The following POLN variants were observed in gnomAD, a reference collection of about 807,000 sequenced individuals.
The protein encoded by POLN is DNA polymerase N.
Under a neutral mutation model 113.5 loss-of-function variants are expected in POLN, and 108 were observed. The ratio of observed to expected loss-of-function variants is 0.95; its 90% CI spans 0.81 to 1.12. The LOEUF (loss-of-function observed/expected upper bound fraction) is 1.12, where lower values mean the gene tolerates loss of function less well. POLN is among the 50% of genes most tolerant of loss of function. The pLI is 0.00. For synonymous variants in POLN, 386 were observed against 391.5 expected (o/e 0.99, Z 0.17); for missense variants, 1,097 against 1,077.1 (o/e 1.02, Z -0.26).
chr4:2,209,480 GAAAAAAA>G (rs1245386319), intron 4 of POLN, among the ~76,000 whole-genome samples: 1 of 72,216 alleles, frequency 1.4e-5, no homozygotes, highest in African/African-American at 4.2e-5. Context: ...CTCCGTCTCA[GAAAAAAA>G]AAAAAAAAAA....
chr4:2,076,516 C>T (rs1424818913), intron 23 of POLN: 1 of 152,400 alleles, frequency 6.6e-6, no homozygotes, highest in Non-Finnish European at 1.5e-5. Context: ...ACAGGATGAG[C>T]TGCTGGGAAG....
chr4:2,171,196 C>A lies in POLN; in HGVS notation c.1375-15G>T. Reference sequence around the variant, plus strand: ...TTGAGACGAGCCTGAAAATATGATACACACAATTAATTTCATTCATAGTTT... The same window carrying A: ...TTGAGACGAGCCTGAAAATATGATAAACACAATTAATTTCATTCATAGTTT... On this transcript the variant is annotated splice_polypyrimidine_tract_variant and intron_variant, in intron 11 of 25. Coordinates refer to ENST00000511885, the MANE Select transcript of POLN (RefSeq NM_181808.4). 9 of 1,589,198 alleles carry A rather than the reference C, an allele frequency of 5.7e-6. No individual in the cohort carries two copies. Among genetic ancestry groups the A allele is most frequent in the Non-Finnish European group, 7.7e-6 (9 of 1,162,926 alleles).
At chr4:2,095,779 CA>C in intron 20 of POLN, 71 bp downstream of exon 20, 1 of 1,368,920 alleles carries the variant, frequency 7.3e-7, no homozygotes, top group Non-Finnish European at 1.0e-6. Flanking sequence ...GGCACAGCCA[CA>C]TTTAAACACA....
At position 2,174,573 on chromosome 4, in the gene POLN, T is replaced by C. The variant is rs1436046912; in HGVS notation, c.1309+118A>G. The C allele has an allele frequency of 5.9e-6, 5 of 842,994 alleles. No individual in the cohort carries two copies. In the African/African-American group the frequency reaches 6.9e-5, roughly 12 times the overall value. 52.2% of individuals were successfully genotyped at this position (842,994 alleles called of 1,614,324 possible). A position where few individuals can be genotyped will look rare whatever the true frequency, so the allele number is the denominator to read the frequency against. ...GGGAAAATAATAGGCTTGCTACCTC[T>C]CTGGTGCCCATGAGATATACTATCT... is the stretch of plus-strand genomic sequence containing the variant. On this transcript the variant is annotated intron_variant, in intron 10 of 25. Coordinates refer to ENST00000511885, the MANE Select transcript of POLN (RefSeq NM_181808.4).
At chr4:2,209,749 T>C (rs930881794) in intron 4 of POLN, among the ~76,000 whole-genome samples, 1 of 143,408 alleles carries the variant, frequency 7.0e-6, no homozygotes, top group Admixed American at 7.2e-5. Flanking sequence ...GCAACTTCCA[T>C]GTCCCCGGCT....
In POLN at chr4:2,131,255, A is replaced by C; in HGVS notation, c.1767T>G (p.Ile589Met). Reference sequence around the variant, plus strand: ...TACCTTTAAAATTCTTAGGTGTAGTAATCTGAATTGGGTGCTTGGAGATAC... The same window carrying C: ...TACCTTTAAAATTCTTAGGTGTAGTCATCTGAATTGGGTGCTTGGAGATAC... The part of the protein sequence containing the change: ...IQGISKHPIQ[I>M]TTPKNFKGKE... Residue 589 changes from isoleucine (I) to methionine (M), a missense_variant, in exon 17 of 26, where the codon ATT (isoleucine) becomes ATG (methionine). Transcript: ENST00000511885. 6.3e-7 allele frequency: 1 copy of C among 1,593,674 alleles called. No individual in the cohort carries two copies. The highest frequency in any genetic ancestry group is 8.6e-7 in the Non-Finnish European group (1 of 1,162,832).
chr4:2,158,830 T>C (rs1022112440), intron 14 of POLN, among the ~76,000 whole-genome samples: 19 of 152,154 alleles, frequency 1.2e-4, no homozygotes, highest in African/African-American at 4.3e-4. Flanking sequence ...GGAGGGGTTG[T>C]GGGAGGCTTT....
At chr4:2,159,441 G>A (rs965952178) in intron 13 of POLN, among the ~76,000 whole-genome samples, 1 of 152,200 alleles carries the variant, frequency 6.6e-6, no homozygotes, top group Non-Finnish European at 1.5e-5. Context: ...TTGGAAATAA[G>A]ATTCCTCTTG....
At chr4:2,116,727 A>G (rs1202104947) in intron 19 of POLN, among the ~76,000 whole-genome samples, 2 of 152,166 alleles carry the variant, frequency 1.3e-5, no homozygotes, top group African/African-American at 4.8e-5. Context: ...TAAGGTCACG[A>G]AGGGACTTTT....
intron 19 of POLN, among the ~76,000 whole-genome samples, chr4:2,098,544 G>T (rs1235495788): frequency 6.6e-6 from 1 of 152,260 alleles, no homozygotes; most frequent in Admixed American, 6.5e-5. Flanking sequence ...ATAAGCAAGA[G>T]AAGGAGCTAG....
intron 2 of POLN, among the ~76,000 whole-genome samples, chr4:2,236,998 T>C (rs931667520): frequency 6.6e-6 from 1 of 151,792 alleles, no homozygotes; most frequent in Non-Finnish European, 1.5e-5. Context: ...ACTACTACAT[T>C]AGATAAACAG....
At chr4:2,166,276 G>C (rs1732726207) in intron 13 of POLN, among the ~76,000 whole-genome samples, 1 of 152,162 alleles carries the variant, frequency 6.6e-6, no homozygotes, top group Non-Finnish European at 1.5e-5. Flanking sequence ...TGAGCAGCCT[G>C]AGCCTTTTCC....
chr4:2,169,469 G>A (rs1732807057), intron 13 of POLN, among the ~76,000 whole-genome samples: 1 of 152,102 alleles, frequency 6.6e-6, no homozygotes, highest in Non-Finnish European at 1.5e-5. Flanking sequence ...GAAAGTCAAG[G>A]ACGACTCACA....
intron 2 of POLN, chr4:2,238,715 CT>C: frequency 6.2e-7 from 1 of 1,613,620 alleles, no homozygotes; most frequent in East Asian, 2.2e-5. Context: ...GTTACTTTGA[CT>C]AAGTTCTTGA....
intron 11 of POLN, among the ~76,000 whole-genome samples, chr4:2,173,206 T>TA (rs1732908068): frequency 6.6e-6 from 1 of 152,194 alleles, no homozygotes; most frequent in Non-Finnish European, 1.5e-5. Context: ...CTCTGGAAAG[T>TA]CTGTGCTTTG....
At chr4:2,086,150 G>A (rs925957714) in intron 20 of POLN, among the ~76,000 whole-genome samples, 10 of 152,252 alleles carry the variant, frequency 6.6e-5, no homozygotes, top group Non-Finnish European at 1.3e-4. Context: ...AGAAGATGCA[G>A]GTGTTCTTGC....
rs1393231201 is a variant in POLN, at chr4:2,173,367, AG to A, written c.1374+587del. Among the ~76,000 whole-genome samples the A allele has an allele frequency of 1.4e-4, 22 of 152,326 alleles. 1 individual carries two copies. The East Asian group carries it at 4.0e-3, about 28-fold the overall frequency. On this transcript the variant is annotated intron_variant, in intron 11 of 25. Transcript: ENST00000511885. ...GTATATAATGTGTGGTGGTCACGTC[AG>A]GGTATTCAGAGCACCCATCATTCAA...
chr4:2,173,914 A>G (rs1732929656), intron 11 of POLN, 41 bp downstream of exon 11: 1 of 1,565,148 alleles, frequency 6.4e-7, no homozygotes, highest in Non-Finnish European at 8.8e-7. Context: ...CTCATGCAGG[A>G]AAGAGATGGC....
chr4:2,096,243 C>A (rs889834354), intron 19 of POLN, among the ~76,000 whole-genome samples: 1 of 152,228 alleles, frequency 6.6e-6, no homozygotes, highest in African/African-American at 2.4e-5. Context: ...TCAGGAAAGG[C>A]CGTTCCCCAT....
Sources: gnomAD v4.1 joint callset for allele counts (sites outside exome capture counted in the v4.1 genomes callset) on GRCh38, gnomAD v4.1.1 for gene constraint, MANE v1.5 for transcripts, NCBI Gene and HGNC (gene_info 2026-07-23, HGNC 2026-07-21) for gene names.